The following ADAMTS12 variants were observed in gnomAD, a reference collection of about 807,000 sequenced individuals.
The protein encoded by ADAMTS12 is ADAM metallopeptidase with thrombospondin type 1 motif 12, also known as A disintegrin and metalloproteinase with thrombospondin motifs 12.
In ADAMTS12, 118 loss-of-function variants were observed where a neutral mutation model predicts 167.8. The observed-to-expected ratio is 0.70, with a 90% CI of 0.61 to 0.82. The LOEUF is 0.82. Among genes scored for constraint, ADAMTS12 ranks in the 40% least tolerant of loss-of-function variants. The probability of loss-of-function intolerance (pLI) is 0.00; values close to 1 mark genes in which losing one functional copy is unlikely to be tolerated. For missense variants in ADAMTS12, 1,916 were observed against 1,998.8 expected (o/e 0.96, Z 0.79); for synonymous variants, 704 against 716.9 (o/e 0.98, Z 0.29).
At chr5:33,835,760 G>A (rs907891787) in intron 2 of ADAMTS12, among the ~76,000 whole-genome samples, 22 of 152,124 alleles carry the variant, frequency 1.4e-4, no homozygotes, top group Admixed American at 1.0e-3. Flanking sequence ...CATACAGACC[G>A]TAGCAATTAT....
chr5:33,548,955 C>A (rs532897303), intron 21 of ADAMTS12, among the ~76,000 whole-genome samples: 1 of 152,264 alleles, frequency 6.6e-6, no homozygotes, highest in African/African-American at 2.4e-5. Context: ...ATTGGGAGAC[C>A]AGGTTGCAAC....
At chr5:33,540,233 G>A (rs1325943622) in intron 22 of ADAMTS12, among the ~76,000 whole-genome samples, 1 of 152,130 alleles carries the variant, frequency 6.6e-6, no homozygotes, top group African/African-American at 2.4e-5. Context: ...ATCAAATGGT[G>A]AGGTGACAAC....
intron 2 of ADAMTS12, among the ~76,000 whole-genome samples, chr5:33,795,452 G>C (rs1234579351): frequency 6.6e-6 from 1 of 152,058 alleles, no homozygotes; most frequent in Non-Finnish European, 1.5e-5. Context: ...CCAAATTCCA[G>C]AATCCCTACG....
At chr5:33,799,599 C>A (rs550122761) in intron 2 of ADAMTS12, among the ~76,000 whole-genome samples, 1 of 152,298 alleles carries the variant, frequency 6.6e-6, no homozygotes, top group South Asian at 2.1e-4. Context: ...GGCATTATAC[C>A]CATTGGCTGG....
chr5:33,868,228 T>C (rs1333264095), intron 2 of ADAMTS12, among the ~76,000 whole-genome samples: 1 of 152,198 alleles, frequency 6.6e-6, no homozygotes, highest in African/African-American at 2.4e-5. Flanking sequence ...AAGTGGGTCA[T>C]TGCTATAAAG....
At chr5:33,808,719 T>G (rs562466471) in intron 2 of ADAMTS12, among the ~76,000 whole-genome samples, 5 of 152,306 alleles carry the variant, frequency 3.3e-5, no homozygotes, top group African/African-American at 1.2e-4. Context: ...AATGTTTTTC[T>G]TATTAGGTCA....
At chr5:33,739,213 T>G (rs968969794) in intron 3 of ADAMTS12, among the ~76,000 whole-genome samples, 1 of 151,962 alleles carries the variant, frequency 6.6e-6, no homozygotes, top group Non-Finnish European at 1.5e-5. Context: ...GTGACGAATG[T>G]TTAAACACAC....
At position 33,742,330 on chromosome 5, in the gene ADAMTS12, T is replaced by TAA. The variant is rs3037104; in HGVS notation, c.634+9072_634+9073dup. Among the ~76,000 whole-genome samples the TAA allele has an allele frequency of 3.6e-3, 487 of 134,728 alleles. 3 individuals are homozygous for TAA. Among genetic ancestry groups the TAA allele is most frequent in the African/African-American group, 0.012 (451 of 36,138 alleles). 88.4% of individuals were successfully genotyped at this position (134,728 alleles called of 152,430 possible). A position where few individuals can be genotyped will look rare whatever the true frequency, so the allele number is the denominator to read the frequency against. On this transcript the variant is annotated intron_variant, in intron 3 of 23. Transcript: ENST00000504830. ...TCTAACAAGTAAACTTCCTTCCCCGTAAAAAAAAAAAAAAAAAAAATGTGG... is the reference window on the plus strand; with the variant it reads ...TCTAACAAGTAAACTTCCTTCCCCGTAAAAAAAAAAAAAAAAAAAAAATGTGG...
chr5:33,754,504 C>G (rs1209901437), intron 2 of ADAMTS12, among the ~76,000 whole-genome samples: 3 of 152,158 alleles, frequency 2.0e-5, no homozygotes, highest in Admixed American at 6.6e-5. Flanking sequence ...CTGCATACTG[C>G]TAACTGTCTT....
At position 33,852,240 on chromosome 5, in the gene ADAMTS12, C is replaced by G. The variant is rs974643389; in HGVS notation, c.489+28879G>C. Among the ~76,000 whole-genome samples, 9 of 152,154 alleles carry G rather than the reference C, an allele frequency of 5.9e-5. 1 individual carries two copies. The highest frequency in any genetic ancestry group is 6.8e-3 in the Middle Eastern group (2 of 294). On this transcript the variant is annotated intron_variant, in intron 2 of 23. Coordinates refer to ENST00000504830, the MANE Select transcript of ADAMTS12 (RefSeq NM_030955.4). ...AGTCCTTAGAGATCGGCTGAGAATA[C>G]TGAAGGACCAGAAAGAGAAAGAATC...
chr5:33,891,808 G>T lies in ADAMTS12; in HGVS notation c.49C>A (p.Gln17Lys), dbSNP rs1346108830. 1 of 1,614,258 alleles carries T rather than the reference G, an allele frequency of 6.2e-7. No individual in the cohort carries two copies. The highest frequency in any genetic ancestry group is 2.2e-5 in the East Asian group (1 of 44,890). Residue 17 changes from glutamine (Q) to lysine (K), a missense_variant, in exon 1 of 24, where the codon CAG becomes AAG. Gln to Lys is a moderately conservative substitution (Grantham distance 53, BLOSUM62 1). Transcript: ENST00000504830. ...SWLANLSVVA[Q>K]LLNFGALCYG... Reference sequence around the variant, plus strand: ...CAAAGCGCCCCAAAGTTAAGGAGCTGAGCCACCACGGAAAGGTTTGCAAGC... The same window carrying T: ...CAAAGCGCCCCAAAGTTAAGGAGCTTAGCCACCACGGAAAGGTTTGCAAGC...
At chr5:33,658,658 T>C (rs1045494074) in intron 6 of ADAMTS12, among the ~76,000 whole-genome samples, 2 of 152,208 alleles carry the variant, frequency 1.3e-5, no homozygotes, top group African/African-American at 4.8e-5. Context: ...CAAGTTAATT[T>C]GAAGTTTTAA....
intron 17 of ADAMTS12, 98 bp from the exon 18 acceptor site, chr5:33,588,907 GCTGGA>G: frequency 6.9e-7 from 1 of 1,451,152 alleles, no homozygotes. Context: ...AGATCACAGG[GCTGGA>G]AGGGCCATGG....
At chr5:33,811,904 A>C (rs1307559939) in intron 2 of ADAMTS12, among the ~76,000 whole-genome samples, 2 of 152,224 alleles carry the variant, frequency 1.3e-5, no homozygotes, top group African/African-American at 4.8e-5. Context: ...AGGCAGAGCC[A>C]GCCAGATTTA....
intron 16 of ADAMTS12, among the ~76,000 whole-genome samples, chr5:33,608,685 C>A (rs1449298913): frequency 1.3e-5 from 2 of 152,182 alleles, no homozygotes; most frequent in Non-Finnish European, 2.9e-5. Context: ...GAAAAGCACC[C>A]TCCCAAGGAG....
intron 2 of ADAMTS12, among the ~76,000 whole-genome samples, chr5:33,769,648 C>T (rs898155065): frequency 7.2e-5 from 11 of 152,176 alleles, no homozygotes; most frequent in Admixed American, 2.6e-4. Flanking sequence ...GGTTCAAATA[C>T]AGTTATTTTT....
At chr5:33,593,880 A>G (rs1747772986) in intron 17 of ADAMTS12, among the ~76,000 whole-genome samples, 1 of 152,164 alleles carries the variant, frequency 6.6e-6, no homozygotes, top group Non-Finnish European at 1.5e-5. Context: ...CTCTGCAGCC[A>G]TTTCCCCTAG....
chr5:33,867,926 T>A (rs11744840), intron 2 of ADAMTS12, among the ~76,000 whole-genome samples: 11 of 151,942 alleles, frequency 7.2e-5, no homozygotes, highest in Non-Finnish European at 1.0e-4. Context: ...TGGGGAAAAA[T>A]TTTCTCCTTG....
At chr5:33,549,583 A>G (rs553204415) in intron 20 of ADAMTS12, among the ~76,000 whole-genome samples, 200 bp from the exon 21 acceptor site, 1 of 152,182 alleles carries the variant, frequency 6.6e-6, no homozygotes, top group South Asian at 2.1e-4. Context: ...CATGCATAGG[A>G]GTGTTTCTGC....
Sources: allele counts gnomAD v4.1 joint callset (sites outside exome capture counted in the v4.1 genomes callset), GRCh38; gene constraint gnomAD v4.1.1; transcripts MANE v1.5; gene names NCBI Gene and HGNC (gene_info 2026-07-23, HGNC 2026-07-21).